Variants in EFTUD2 observed in about 807,000 individuals in gnomAD.
The protein encoded by EFTUD2 is 116 kDa U5 small nuclear ribonucleoprotein component.
A neutral mutation model predicts 114.3 loss-of-function variants in EFTUD2; 9 were observed. The observed-to-expected ratio is 0.08, with a 90% CI of 0.05 to 0.14. EFTUD2 has a LOEUF of 0.14. Among genes scored for constraint, EFTUD2 ranks in the 10% least tolerant of loss-of-function variants. EFTUD2 has a pLI of 1.00. For synonymous variants in EFTUD2, 449 were observed against 462.3 expected, an observed-to-expected ratio of 0.97 and a Z score of 0.37; for missense variants, 765 against 1,241.2, an observed-to-expected ratio of 0.62 and a Z score of 5.76.
At chr17:44,881,802 T>C in intron 6 of EFTUD2, 80 bp from the exon 7 acceptor site, 1 of 1,313,132 alleles carries the variant, frequency 7.6e-7, no homozygotes, top group Non-Finnish European at 1.1e-6. Context: ...TTTCCCTCAC[T>C]ACCTCCCAGC....
At chr17:44,863,923 G>C in intron 14 of EFTUD2, 141 bp from the exon 15 acceptor site, 1 of 1,097,730 alleles carries the variant, frequency 9.1e-7, no homozygotes, top group Non-Finnish European at 1.3e-6. Context: ...ACTATAGATA[G>C]TGATAGCCTG....
At chr17:44,885,516 G>T (rs1369392573) in intron 3 of EFTUD2, among the ~76,000 whole-genome samples, 182 bp from the exon 4 acceptor site, 1 of 151,874 alleles carries the variant, frequency 6.6e-6, no homozygotes, top group South Asian at 2.1e-4. Context: ...GACAGTGAAG[G>T]ACCTTGAATT....
At chr17:44,879,774 A>T in intron 8 of EFTUD2, 136 bp from the exon 9 acceptor site, 1 of 775,782 alleles carries the variant, frequency 1.3e-6, no homozygotes, top group Non-Finnish European at 2.1e-6. Context: ...AACCCCCCAC[A>T]GGGTAAAAAT....
intron 18 of EFTUD2, chr17:44,859,681 A>T: frequency 3.3e-6 from 2 of 599,966 alleles, no homozygotes; most frequent in Non-Finnish European, 2.9e-6. Context: ...TATACCCCCC[A>T]TCACTGCCCC....
At position 44,885,327 on chromosome 17, in the gene EFTUD2, A is replaced by G. The variant is rs1348947003; in HGVS notation, c.279T>C (p.Ile93=). The G allele has an allele frequency of 6.2e-7, 1 of 1,613,086 alleles. No homozygotes were observed. The highest frequency in any genetic ancestry group is 8.5e-7 in the Non-Finnish European group (1 of 1,179,102). ...EEDTQPLTEP[I]IKPVKTKKFT... is the part of the protein sequence containing the mutation. ...ATTTCTTGGTTTTCACTGGCTTAATAATGGGTTCTAGAAGAAAAAAAAAAG... is the reference window on the plus strand; with the variant it reads ...ATTTCTTGGTTTTCACTGGCTTAATGATGGGTTCTAGAAGAAAAAAAAAAG... Residue 93 remains isoleucine (I), a synonymous_variant, in exon 4 of 28, where the codon ATT becomes ATC. Coordinates refer to ENST00000426333, the MANE Select transcript of EFTUD2 (RefSeq NM_004247.4).
At chr17:44,859,251 G>C in intron 18 of EFTUD2, 70 bp from the exon 19 acceptor site, 1 of 1,091,064 alleles carries the variant, frequency 9.2e-7, no homozygotes, top group Non-Finnish European at 1.4e-6. Flanking sequence ...ACAAAATCAA[G>C]GCCAGAGCAG....
At position 44,872,319 on chromosome 17, in the gene EFTUD2, T is replaced by A. The variant is rs1032370396; in HGVS notation, c.994+127A>T. On this transcript the variant is annotated intron_variant, in intron 11 of 27. Coordinates refer to ENST00000426333, the MANE Select transcript of EFTUD2 (RefSeq NM_004247.4). ...AGGCCACAAAGACCCCCAAATGTGA[T>A]AATAACAGGTGATAAAATGTTCCCC... 3 of 1,265,788 alleles carry A rather than the reference T, an allele frequency of 2.4e-6. No individual in the cohort carries two copies. In the African/African-American group the frequency reaches 4.5e-5, roughly 19 times the overall value. The allele number at this position is 1,265,788 out of a possible 1,614,324, so 78.4% of individuals were successfully genotyped here. A position where few individuals can be genotyped will look rare whatever the true frequency, so the allele number is the denominator to read the frequency against.
intron 14 of EFTUD2, chr17:44,864,206 T>G (rs933955052): frequency 3.0e-5 from 5 of 165,494 alleles, no homozygotes; most frequent in African/African-American, 1.2e-4. Context: ...CTGAACACAT[T>G]AATAAACCAC....
At position 44,851,170 on chromosome 17, in the gene EFTUD2, GAC is replaced by G; in HGVS notation, c.*102_*103del. Reference sequence around the variant, plus strand: ...TTCAAGATGGCAACAGCAGCTTCCAGACACTCTCTGACAACACGAAGGCCACG... The same window carrying G: ...TTCAAGATGGCAACAGCAGCTTCCAGACTCTCTGACAACACGAAGGCCACG... On this transcript the variant is annotated 3_prime_UTR_variant, in exon 28 of 28. Transcript: ENST00000426333. 1 of 916,658 alleles carries G rather than the reference GAC, an allele frequency of 1.1e-6. No homozygotes were observed. The allele number at this position is 916,658 out of a possible 1,614,324, so 56.8% of individuals were successfully genotyped here.
rs368523245 is a variant in EFTUD2, at chr17:44,872,577, C to T, written c.870-7G>A. 4 of 1,604,234 alleles carry T rather than the reference C, an allele frequency of 2.5e-6. No homozygotes were observed. The African/African-American group carries it at 4.0e-5, about 16-fold the overall frequency. On this transcript the variant is annotated splice_region_variant and splice_polypyrimidine_tract_variant and intron_variant, in intron 10 of 27. Transcript: ENST00000426333. ...CTCATCAGTGGAATACATGCTGAAA[C>T]AGAGACAGTGGTGAACACAGTGCCA...
At chr17:44,888,447 A>C (rs1380213796) in intron 2 of EFTUD2, among the ~76,000 whole-genome samples, 1 of 152,200 alleles carries the variant, frequency 6.6e-6, no homozygotes, top group African/African-American at 2.4e-5. Flanking sequence ...CAGAGAAGTG[A>C]TATGATCAGA....
chr17:44,883,846 C>T (rs1203087655), intron 4 of EFTUD2, 122 bp from the exon 5 acceptor site: 2 of 815,750 alleles, frequency 2.5e-6, no homozygotes, highest in African/African-American at 3.3e-5. Flanking sequence ...GGAGAGTGCT[C>T]AGGCAGATGT....
intron 1 of EFTUD2, among the ~76,000 whole-genome samples, chr17:44,897,817 G>A (rs1412895167): frequency 1.3e-5 from 2 of 152,002 alleles, no homozygotes; most frequent in Non-Finnish European, 2.9e-5. Flanking sequence ...AGCCCACCTC[G>A]GCCTCCCAAA....
intron 16 of EFTUD2, among the ~76,000 whole-genome samples, chr17:44,862,262 T>C (rs113633016): frequency 0.13 from 20,141 of 152,012 alleles, 1,440 homozygotes; most frequent in Middle Eastern, 0.17. Context: ...TAGTGAGACA[T>C]TGTCTCTACA....
intron 9 of EFTUD2, 174 bp downstream of exon 9, chr17:44,879,382 G>T (rs75096406): frequency 3.2e-6 from 2 of 625,380 alleles, no homozygotes; most frequent in East Asian, 6.3e-5. Context: ...AACCACACCC[G>T]GTAAGAATTA....
chr17:44,870,802 G>A (rs1370139672), intron 11 of EFTUD2, among the ~76,000 whole-genome samples: 3 of 151,982 alleles, frequency 2.0e-5, no homozygotes, highest in African/African-American at 7.2e-5. Flanking sequence ...GGCGGATCAC[G>A]AGGTCAGGAG....
In EFTUD2 at chr17:44,894,432, G is replaced by C; in HGVS notation, c.90C>G (p.Thr30=). 1 of 1,612,216 alleles carries C rather than the reference G, an allele frequency of 6.2e-7. No individual in the cohort carries two copies. Among genetic ancestry groups the C allele is most frequent in the Non-Finnish European group, 8.5e-7 (1 of 1,178,286 alleles). Residue 30 remains threonine (T), a synonymous_variant, in exon 2 of 28, where the codon ACC becomes ACG. Coordinates refer to ENST00000426333, the MANE Select transcript of EFTUD2 (RefSeq NM_004247.4). ...DEDDDELGRE[T]KDLDEMDDDD... ...TTTGTTTTACCTCATCAAGATCTTTGGTCTCTCTACCCAATTCATCATCAT... is the reference window on the plus strand; with the variant it reads ...TTTGTTTTACCTCATCAAGATCTTTCGTCTCTCTACCCAATTCATCATCAT...
Position 44,899,388 on chromosome 17 carries a change from G to A in EFTUD2, c.-24C>T, listed in dbSNP as rs1420065881. Reference sequence around the variant, plus strand: ...ACTTACCTCTCGCCTGCTCAGCTAAGAGTTCCCAGGCCGCTGCCGGAGATC... The same window carrying A: ...ACTTACCTCTCGCCTGCTCAGCTAAAAGTTCCCAGGCCGCTGCCGGAGATC... On this transcript the variant is annotated 5_prime_UTR_variant, in exon 1 of 28. Coordinates refer to ENST00000426333, the MANE Select transcript of EFTUD2 (RefSeq NM_004247.4). 2 of 152,426 alleles carry A rather than the reference G, an allele frequency of 1.3e-5. No individual in the cohort carries two copies. Among genetic ancestry groups the A allele is most frequent in the East Asian group, 1.9e-4 (1 of 5,178 alleles). 9.4% of individuals were successfully genotyped at this position (152,426 alleles called of 1,614,324 possible).
At chr17:44,857,950 C>G (rs1426799043) in intron 19 of EFTUD2, among the ~76,000 whole-genome samples, 1 of 126,548 alleles carries the variant, frequency 7.9e-6, no homozygotes, top group Non-Finnish European at 1.6e-5. Context: ...GAGACAGAGT[C>G]TCGCCCTATC....
Sources: allele counts gnomAD v4.1 joint callset (sites outside exome capture counted in the v4.1 genomes callset), GRCh38; gene constraint gnomAD v4.1.1; transcripts MANE v1.5; gene names NCBI Gene and HGNC (gene_info 2026-07-23, HGNC 2026-07-21).